The following TLE1 variants were observed in gnomAD, a reference collection of about 807,000 sequenced individuals.
TLE1 encodes transducin-like enhancer protein 1.
In TLE1, 21 loss-of-function variants were observed where a neutral mutation model predicts 89.8. That is an observed-to-expected ratio of 0.23 (90% confidence interval 0.17 to 0.34). The LOEUF (loss-of-function observed/expected upper bound fraction) is 0.34. Among genes scored for constraint, TLE1 ranks in the 10% least tolerant of loss-of-function variants. TLE1 has a pLI of 1.00. For synonymous variants in TLE1, 447 were observed against 407.6 expected, an observed-to-expected ratio of 1.10 and a Z score of -1.16; for missense variants, 795 against 1,031.2, an observed-to-expected ratio of 0.77 and a Z score of 3.14.
At chr9:81,612,044 T>A in intron 12 of TLE1, 85 bp from the exon 13 acceptor site, 2 of 1,093,164 alleles carry the variant, frequency 1.8e-6, no homozygotes, top group Non-Finnish European at 2.5e-6. Flanking sequence ...CATTTGTTAG[T>A]GTCACTCATG....
rs1176334498 is a variant in TLE1, at chr9:81,685,658, A to C, written c.234+18T>G. The C allele has an allele frequency of 3.1e-6, 5 of 1,612,178 alleles. No individual in the cohort carries two copies. The highest frequency in any genetic ancestry group is 4.2e-6 in the Non-Finnish European group (5 of 1,178,632). On this transcript the variant is annotated intron_variant, in intron 4 of 19. Transcript: ENST00000376499. ...GAACTGATGTCTCATTTCAGCTTGA[A>C]GTTCAACTAAAGCTTACCTGTTTGT...
chr9:81,662,661 G>A (rs1401755741), intron 4 of TLE1, among the ~76,000 whole-genome samples: 1 of 151,136 alleles, frequency 6.6e-6, no homozygotes, highest in East Asian at 2.0e-4. Context: ...TCGCACCATT[G>A]CACTCCAGCC....
intron 14 of TLE1, among the ~76,000 whole-genome samples, chr9:81,595,006 T>C (rs1280877244): frequency 6.6e-6 from 1 of 152,178 alleles, no homozygotes; most frequent in Non-Finnish European, 1.5e-5. Context: ...TGCTGGCAAA[T>C]TGGTTCCAGT....
chr9:81,676,274 T>C (rs1832896696), intron 4 of TLE1, among the ~76,000 whole-genome samples: 2 of 152,154 alleles, frequency 1.3e-5, no homozygotes, highest in African/African-American at 4.8e-5. Context: ...GAAGGGTAGA[T>C]GGAAGTCCCT....
At chr9:81,686,976 A>ACCCACAC (rs761159557) in intron 2 of TLE1, among the ~76,000 whole-genome samples, 1 of 152,108 alleles carries the variant, frequency 6.6e-6, no homozygotes, top group Non-Finnish European at 1.5e-5. Context: ...GCTTCCCTGA[A>ACCCACAC]CCCACACTCC....
chr9:81,615,575 T>C (rs1193027387), intron 11 of TLE1, among the ~76,000 whole-genome samples: 3 of 146,586 alleles, frequency 2.0e-5, no homozygotes, highest in Non-Finnish European at 4.5e-5. Context: ...TAGCTGGGCA[T>C]GGTCGCGCGC....
chr9:81,674,649 T>C (rs1322277901), intron 4 of TLE1, among the ~76,000 whole-genome samples: 1 of 152,232 alleles, frequency 6.6e-6, no homozygotes, highest in Non-Finnish European at 1.5e-5. Flanking sequence ...AAAGTATAAG[T>C]CAAGTTTCAT....
rs10420 is a variant in TLE1 at position 81,584,003 on chromosome 9, G to T, written c.*195C>A. On this transcript the variant is annotated 3_prime_UTR_variant, in exon 20 of 20. Coordinates refer to ENST00000376499, the MANE Select transcript of TLE1 (RefSeq NM_005077.5). The stretch of plus-strand genomic sequence containing the variant: ...TCCGCTTGGCCTTGGTGCTCCATTT[G>T]GTCTATGTAGACAGGTGACTTTCTG... The T allele has an allele frequency of 1.7e-6, 1 of 579,500 alleles. No homozygotes were observed. The highest frequency in any genetic ancestry group is 3.1e-6 in the Non-Finnish European group (1 of 326,696). 35.9% of individuals were successfully genotyped at this position (579,500 alleles called of 1,614,324 possible). A position where few individuals can be genotyped will look rare whatever the true frequency, so the allele number is the denominator to read the frequency against.
rs1193926944 is a variant in TLE1 at position 81,583,849 on chromosome 9, T to A, written c.*349A>T. On this transcript the variant is annotated 3_prime_UTR_variant, in exon 20 of 20. Coordinates refer to ENST00000376499, the MANE Select transcript of TLE1 (RefSeq NM_005077.5). Reference sequence around the variant, plus strand: ...ACAAAGGACGGAAAGTGAGGTGAACTGCAAGGAACAGAAAGGTAATCTCAC... The same window carrying A: ...ACAAAGGACGGAAAGTGAGGTGAACAGCAAGGAACAGAAAGGTAATCTCAC... 1 of 228,196 alleles carries A rather than the reference T, an allele frequency of 4.4e-6. No individual in the cohort carries two copies. The highest frequency in any genetic ancestry group is 2.2e-5 in the African/African-American group (1 of 45,194). 14.1% of individuals were successfully genotyped at this position (228,196 alleles called of 1,614,324 possible).
At chr9:81,614,713 T>A (rs1416395164) in intron 11 of TLE1, among the ~76,000 whole-genome samples, 1 of 151,992 alleles carries the variant, frequency 6.6e-6, no homozygotes, top group Non-Finnish European at 1.5e-5. Flanking sequence ...TCTACAAAGT[T>A]TGATTGAATG....
intron 8 of TLE1, chr9:81,620,969 T>G: frequency 2.1e-6 from 1 of 482,526 alleles, no homozygotes; most frequent in South Asian, 1.6e-5. Context: ...AGAGTCAATG[T>G]GTACCACTCT....
At chr9:81,619,435 T>C (rs1315421716) in intron 9 of TLE1, among the ~76,000 whole-genome samples, 1 of 152,054 alleles carries the variant, frequency 6.6e-6, no homozygotes, top group African/African-American at 2.4e-5. Flanking sequence ...TTAAATGAAA[T>C]AATCCATGAA....
chr9:81,687,855 A>C (rs1254587148), intron 1 of TLE1, among the ~76,000 whole-genome samples: 1 of 151,890 alleles, frequency 6.6e-6, no homozygotes, highest in Non-Finnish European at 1.5e-5. Flanking sequence ...CTCCAGACGC[A>C]CCGGAACCGG....
Position 81,640,615 on chromosome 9 carries a change from A to G in TLE1, c.373-6314T>C, listed in dbSNP as rs1471915463. ...AAACCCTGAGTTAATGATACTGAAA[A>G]CCCACAAGGAATAAAGCGATCTCAT... On this transcript the variant is annotated intron_variant, in intron 6 of 19. Coordinates refer to ENST00000376499, the MANE Select transcript of TLE1 (RefSeq NM_005077.5). Among the ~76,000 whole-genome samples, 3 of 152,248 alleles carry G rather than the reference A, an allele frequency of 2.0e-5. No homozygotes were observed. The East Asian group carries it at 5.8e-4, about 29-fold the overall frequency.
At chr9:81,637,729 T>A (rs1282413070) in intron 6 of TLE1, among the ~76,000 whole-genome samples, 1 of 151,518 alleles carries the variant, frequency 6.6e-6, no homozygotes, top group Non-Finnish European at 1.5e-5. Context: ...CTGCTGAAGA[T>A]GTCGTGATTC....
intron 6 of TLE1, among the ~76,000 whole-genome samples, chr9:81,649,976 C>T (rs956668182): frequency 1.3e-5 from 2 of 152,272 alleles, no homozygotes; most frequent in Middle Eastern, 6.8e-3. Flanking sequence ...AATTCATATA[C>T]TAATCCAAAA....
At chr9:81,616,260 G>A in intron 10 of TLE1, 126 bp from the exon 11 acceptor site, 1 of 1,152,676 alleles carries the variant, frequency 8.7e-7, no homozygotes, top group South Asian at 1.5e-5. Flanking sequence ...TGTACAAGGT[G>A]ACCAACACCA....
chr9:81,677,291 C>A (rs546676912), intron 4 of TLE1, among the ~76,000 whole-genome samples: 1 of 151,138 alleles, frequency 6.6e-6, no homozygotes, highest in African/African-American at 2.4e-5. Flanking sequence ...TCAGGCCGGG[C>A]GCAGTGGCTC....
At chr9:81,686,514 T>C (rs1834301088) in intron 2 of TLE1, among the ~76,000 whole-genome samples, 1 of 152,186 alleles carries the variant, frequency 6.6e-6, no homozygotes, top group Admixed American at 6.5e-5. Context: ...AGAAAGCCCC[T>C]GACAAAGTAA....
Sources: allele counts gnomAD v4.1 joint callset (sites outside exome capture counted in the v4.1 genomes callset), GRCh38; gene constraint gnomAD v4.1.1; transcripts MANE v1.5; gene names NCBI Gene and HGNC (gene_info 2026-07-23, HGNC 2026-07-21).